The following ESYT2 variants were observed in gnomAD, a reference collection of about 807,000 sequenced individuals.
The protein encoded by ESYT2 is extended synaptotagmin-2.
Under a neutral mutation model 107.2 loss-of-function variants are expected in ESYT2, and 54 were observed. The ratio of observed to expected loss-of-function variants is 0.50; its 90% confidence interval spans 0.40 to 0.63. The LOEUF (loss-of-function observed/expected upper bound fraction) is 0.63, where lower values mean the gene tolerates loss of function less well. Among genes scored for constraint, ESYT2 ranks in the 30% least tolerant of loss-of-function variants. The pLI, the probability that ESYT2 is intolerant of heterozygous loss-of-function variation, is 0.00. For synonymous variants in ESYT2, 491 were observed against 434.1 expected (o/e 1.13, Z -1.63); for missense variants, 1,020 against 1,094.5 (o/e 0.93, Z 0.96).
chr7:158,747,692 G>C (rs916388877), intron 16 of ESYT2, among the ~76,000 whole-genome samples: 1 of 152,100 alleles, frequency 6.6e-6, no homozygotes, highest in African/African-American at 2.4e-5. Flanking sequence ...ACCTGCTCCT[G>C]GGCATTTTAC....
At chr7:158,793,828 A>C (rs1839380156) in intron 3 of ESYT2, 102 bp from the exon 4 acceptor site, 1 of 916,650 alleles carries the variant, frequency 1.1e-6, no homozygotes. Context: ...TAAATTTCAG[A>C]CTACAACAGG....
At chr7:158,734,730 G>A (rs1312072580) in intron 21 of ESYT2, among the ~76,000 whole-genome samples, 3 of 152,254 alleles carry the variant, frequency 2.0e-5, no homozygotes, top group African/African-American at 7.2e-5. Context: ...TGAAGCTGCA[G>A]TGAGCCATGA....
rs549040093 is a variant in ESYT2 at position 158,734,135 on chromosome 7, C to T, written c.*72G>A. 3.5e-5 allele frequency: 52 copies of T among 1,486,260 alleles called. No individual in the cohort carries two copies. The East Asian group carries it at 4.1e-4, about 12-fold the overall frequency. The allele number at this position is 1,486,260 out of a possible 1,614,324, so 92.1% of individuals were successfully genotyped here. A position where few individuals can be genotyped will look rare whatever the true frequency, so the allele number is the denominator to read the frequency against. ...TGAAATTATAAAAATAACATTGGTA[C>T]GTCTGTGAGAGGGTGTGTTCCGGGT... On this transcript the variant is annotated 3_prime_UTR_variant, in exon 23 of 23. Transcript: ENST00000275418.
In ESYT2 at chr7:158,760,041, A is replaced by AC; in HGVS notation, c.1323+16dup. On this transcript the variant is annotated intron_variant, in intron 12 of 22. Coordinates refer to ENST00000275418, the MANE Select transcript of ESYT2 (RefSeq NM_001367773.1). ...AGTTGGTTAGGTAGTTTTCAAGAGC[A>AC]CATGCTTCAACAGCACCTTGTCGAG... is the stretch of plus-strand genomic sequence containing the variant. The AC allele has an allele frequency of 6.2e-7, 1 of 1,613,474 alleles. No homozygotes were observed. The highest frequency in any genetic ancestry group is 1.7e-5 in the Admixed American group (1 of 60,012).
At chr7:158,827,826 T>C (rs1376509154) in intron 1 of ESYT2, among the ~76,000 whole-genome samples, 1 of 152,200 alleles carries the variant, frequency 6.6e-6, no homozygotes, top group African/African-American at 2.4e-5. Context: ...CCCCAAAGTT[T>C]ATATTAAGCC....
intron 6 of ESYT2, among the ~76,000 whole-genome samples, chr7:158,774,323 C>A (rs1838475426): frequency 6.6e-6 from 1 of 151,994 alleles, no homozygotes; most frequent in South Asian, 2.1e-4. Context: ...TTTTTAAGAT[C>A]CTGAAAGGCT....
intron 6 of ESYT2, among the ~76,000 whole-genome samples, chr7:158,783,834 G>A (rs1475230067): frequency 1.3e-5 from 2 of 152,238 alleles, no homozygotes; most frequent in Non-Finnish European, 2.9e-5. Flanking sequence ...GAGCCCGGGA[G>A]GAGGCAGCTG....
At chr7:158,809,593 T>C (rs754312701) in intron 1 of ESYT2, among the ~76,000 whole-genome samples, 2 of 151,762 alleles carry the variant, frequency 1.3e-5, no homozygotes, top group South Asian at 2.1e-4. Flanking sequence ...TGCTCAACAT[T>C]ATGAGTTAGA....
At chr7:158,766,094 G>A (rs1322945220) in intron 8 of ESYT2, among the ~76,000 whole-genome samples, 1 of 151,208 alleles carries the variant, frequency 6.6e-6, no homozygotes, top group Non-Finnish European at 1.5e-5. Flanking sequence ...GTGTGAATTC[G>A]GGAGGCGGAG....
At chr7:158,769,526 G>A (rs1267999474) in intron 7 of ESYT2, among the ~76,000 whole-genome samples, 1 of 152,212 alleles carries the variant, frequency 6.6e-6, no homozygotes, top group African/African-American at 2.4e-5. Flanking sequence ...CTATTGAAGT[G>A]GTTACTTTCT....
At chr7:158,734,315 G>A in intron 22 of ESYT2, 63 bp from the exon 23 acceptor site, 2 of 1,612,758 alleles carry the variant, frequency 1.2e-6, no homozygotes, top group South Asian at 2.2e-5. Context: ...AAGCCTATCA[G>A]ATACGTGTCG....
chr7:158,767,811 C>G (rs1241020453), intron 7 of ESYT2, 37 bp from the exon 8 acceptor site: 6 of 1,590,830 alleles, frequency 3.8e-6, no homozygotes, highest in South Asian at 1.1e-5. Flanking sequence ...AACGGACTAT[C>G]AGACATGTGA....
chr7:158,738,399 C>G (rs144860076), intron 19 of ESYT2, among the ~76,000 whole-genome samples: 1 of 149,222 alleles, frequency 6.7e-6, no homozygotes, highest in Admixed American at 6.7e-5. Flanking sequence ...CTAGGCTACA[C>G]ATTTGTACAG....
At position 158,741,874 on chromosome 7, in the gene ESYT2, T is replaced by C. The variant is rs150795495; in HGVS notation, c.1817A>G (p.Glu606Gly). The C allele has an allele frequency of 1.6e-5, 25 of 1,606,546 alleles. No individual in the cohort carries two copies. The highest frequency in any genetic ancestry group is 2.0e-5 in the Non-Finnish European group (24 of 1,177,102). Residue 606 changes from glutamate (E) to glycine (G), a missense_variant, in exon 18 of 23, where the codon GAA (glutamate) becomes GGA (glycine). Coordinates refer to ENST00000275418, the MANE Select transcript of ESYT2 (RefSeq NM_001367773.1). ...TGAGTGTTGGTGGTCTGGAGGCCTT[T>C]CTCGCTTTTCGAGATGGAGCACCTA... Reference protein sequence around the residue: ...ALRVLHLEKRERPPDHQHSAQ... With the variant: ...ALRVLHLEKRGRPPDHQHSAQ...
intron 1 of ESYT2, among the ~76,000 whole-genome samples, chr7:158,807,438 G>A (rs1381246722): frequency 6.6e-6 from 1 of 152,076 alleles, no homozygotes; most frequent in African/African-American, 2.4e-5. Flanking sequence ...CGCGACTTAT[G>A]AGAAGGAGGT....
chr7:158,810,830 A>T (rs1839974365), intron 1 of ESYT2, among the ~76,000 whole-genome samples: 1 of 152,118 alleles, frequency 6.6e-6, no homozygotes, highest in Admixed American at 6.6e-5. Context: ...GAGGGGTCTG[A>T]GGATTGAGGG....
At chr7:158,781,328 T>C (rs777980769) in intron 6 of ESYT2, among the ~76,000 whole-genome samples, 16 of 149,474 alleles carry the variant, frequency 1.1e-4, no homozygotes, top group Non-Finnish European at 2.2e-4. Flanking sequence ...AGTGAACGAG[T>C]GTTGAGAACA....
In ESYT2 at chr7:158,828,083, T is replaced by A. The variant is rs551378573; in HGVS notation, c.330+1006A>T. Among the ~76,000 whole-genome samples, 50 of 152,278 alleles carry A rather than the reference T, an allele frequency of 3.3e-4. No individual in the cohort carries two copies. In the South Asian group the frequency reaches 9.1e-3, roughly 28 times the overall value. ...CACATTCACACTGGATTCAGGTCGATCCCATATAAAAATGCTCAGTCTCAC... is the reference window on the plus strand; with the variant it reads ...CACATTCACACTGGATTCAGGTCGAACCCATATAAAAATGCTCAGTCTCAC... On this transcript the variant is annotated intron_variant, in intron 1 of 22. Transcript: ENST00000275418.
intron 6 of ESYT2, among the ~76,000 whole-genome samples, chr7:158,778,514 A>G (rs1219961503): frequency 6.6e-6 from 1 of 152,180 alleles, no homozygotes; most frequent in African/African-American, 2.4e-5. Flanking sequence ...AAAATGTACA[A>G]AGTGGAAGGA....
Sources: allele counts gnomAD v4.1 joint callset (sites outside exome capture counted in the v4.1 genomes callset), GRCh38; gene constraint gnomAD v4.1.1; transcripts MANE v1.5; gene names NCBI Gene and HGNC (gene_info 2026-07-23, HGNC 2026-07-21).